The following FSTL5 variants were observed in gnomAD, a reference collection of about 807,000 sequenced individuals.
The protein encoded by FSTL5 is follistatin like 5, also known as follistatin-related protein 5.
FSTL5 carries 62 observed loss-of-function variants against 89.1 expected under a neutral mutation model. The observed-to-expected ratio is 0.70, with a 90% CI of 0.57 to 0.86. The LOEUF (loss-of-function observed/expected upper bound fraction) is 0.86, where lower values mean the gene tolerates loss of function less well. FSTL5 is among the 40% of genes least tolerant of loss of function. The pLI is 0.00. For missense variants in FSTL5, 1,057 were observed against 1,001.6 expected (o/e 1.06, Z -0.75); for synonymous variants, 383 against 346.2 (o/e 1.11, Z -1.18).
intron 3 of FSTL5, among the ~76,000 whole-genome samples, chr4:161,958,432 C>T (rs1190428036): frequency 6.6e-6 from 1 of 151,896 alleles, no homozygotes; most frequent in Non-Finnish European, 1.5e-5. Context: ...TTAGGTATTC[C>T]ATATTTGTGT....
At chr4:161,581,810 G>A (rs1041235342) in intron 8 of FSTL5, among the ~76,000 whole-genome samples, 7 of 152,304 alleles carry the variant, frequency 4.6e-5, no homozygotes, top group African/African-American at 1.7e-4. Flanking sequence ...AATTTGAATG[G>A]GAGAGAAGTA....
intron 6 of FSTL5, among the ~76,000 whole-genome samples, chr4:161,714,492 A>T (rs1337224112): frequency 1.3e-5 from 2 of 152,168 alleles, no homozygotes; most frequent in African/African-American, 4.8e-5. Context: ...ATGGGTTTCA[A>T]ATCTCCTAAT....
intron 15 of FSTL5, among the ~76,000 whole-genome samples, chr4:161,428,510 C>CT (rs1245708572): frequency 2.6e-5 from 4 of 152,328 alleles, no homozygotes; most frequent in African/African-American, 9.6e-5. Flanking sequence ...AGGACTTCGT[C>CT]TTGTAACTTG....
At chr4:161,826,103 A>G (rs562979991) in intron 4 of FSTL5, among the ~76,000 whole-genome samples, 1 of 152,238 alleles carries the variant, frequency 6.6e-6, no homozygotes, top group Non-Finnish European at 1.5e-5. Context: ...AATTCAAAGA[A>G]GTTTTTAATT....
At chr4:161,671,891 T>C (rs2126698912) in intron 6 of FSTL5, among the ~76,000 whole-genome samples, 1 of 152,272 alleles carries the variant, frequency 6.6e-6, no homozygotes, top group South Asian at 2.1e-4. Flanking sequence ...ATTCCTTCTC[T>C]CTTCTTAACA....
At chr4:161,430,163 C>A (rs1378194198) in intron 15 of FSTL5, among the ~76,000 whole-genome samples, 1 of 151,344 alleles carries the variant, frequency 6.6e-6, no homozygotes, top group Non-Finnish European at 1.5e-5. Context: ...AATTAGTGAG[C>A]TTGAAGACAG....
chr4:162,011,168 G>A (rs557958809), intron 3 of FSTL5, among the ~76,000 whole-genome samples: 1 of 152,082 alleles, frequency 6.6e-6, no homozygotes, highest in Non-Finnish European at 1.5e-5. Context: ...CTGGAAGGTT[G>A]GGGGTTTGGA....
chr4:161,780,616 A>C (rs1166371134), intron 4 of FSTL5, among the ~76,000 whole-genome samples: 1 of 152,162 alleles, frequency 6.6e-6, no homozygotes, highest in African/African-American at 2.4e-5. Context: ...AGTCATTCTA[A>C]GGGCAGGGAA....
At chr4:161,566,574 C>T (rs910233660) in intron 8 of FSTL5, among the ~76,000 whole-genome samples, 2 of 152,042 alleles carry the variant, frequency 1.3e-5, no homozygotes, top group African/African-American at 2.4e-5. Context: ...TTCCCACCAG[C>T]AGTTCGTAAG....
chr4:161,811,028 C>A (rs1369124), intron 4 of FSTL5, among the ~76,000 whole-genome samples: 23 of 152,088 alleles, frequency 1.5e-4, no homozygotes, highest in African/African-American at 4.8e-4. Context: ...CTGAGAGATC[C>A]CTCTGCTCCC....
chr4:161,448,078 C>T (rs1379224765), intron 15 of FSTL5, among the ~76,000 whole-genome samples: 2 of 151,920 alleles, frequency 1.3e-5, no homozygotes, highest in African/African-American at 4.8e-5. Flanking sequence ...ATGCGTATTT[C>T]AATATTCACT....
At chr4:161,663,391 A>T (rs944447938) in intron 6 of FSTL5, among the ~76,000 whole-genome samples, 6 of 152,262 alleles carry the variant, frequency 3.9e-5, no homozygotes, top group African/African-American at 1.4e-4. Context: ...GGGTAAATGG[A>T]GCCATTCCAA....
At chr4:161,473,875 A>G (rs1007458963) in intron 13 of FSTL5, among the ~76,000 whole-genome samples, 4 of 152,204 alleles carry the variant, frequency 2.6e-5, no homozygotes, top group Non-Finnish European at 5.9e-5. Flanking sequence ...TCTTGTAGAT[A>G]GCATATAGTT....
rs187234029 is a variant in FSTL5 at position 162,124,239 on chromosome 4, A to G, written c.-16-12827T>C. ...CTATTACATTGAATTTAAGAAACAC[A>G]GAATTAGAATTTATATGCAACTCCA... is the stretch of plus-strand genomic sequence containing the variant. On this transcript the variant is annotated intron_variant, in intron 1 of 15. Coordinates refer to ENST00000306100, the MANE Select transcript of FSTL5 (RefSeq NM_020116.5). Among the ~76,000 whole-genome samples the G allele has an allele frequency of 1.4e-4, 21 of 152,334 alleles. 1 individual carries two copies. In the East Asian group the frequency reaches 2.9e-3, roughly 21 times the overall value.
chr4:161,872,750 T>C (rs17597093), intron 4 of FSTL5, among the ~76,000 whole-genome samples: 14,128 of 152,206 alleles, frequency 0.093, 726 homozygotes, highest in East Asian at 0.16. Context: ...AGATGTCTGC[T>C]ACTGTTTGCA....
chr4:161,656,293 T>G (rs1202867576), intron 7 of FSTL5, 35 bp downstream of exon 7: 1 of 1,179,528 alleles, frequency 8.5e-7, no homozygotes, highest in Admixed American at 2.3e-5. Flanking sequence ...ACATGAAATA[T>G]ATATATTATA....
chr4:161,985,621 A>T lies in FSTL5; in HGVS notation c.160+48004T>A, dbSNP rs180743164. 2.0e-4 allele frequency among the ~76,000 whole-genome samples: 31 copies of T among 151,928 alleles called. 1 individual carries two copies. Among genetic ancestry groups the T allele is most frequent in the Non-Finnish European group, 8.8e-5 (6 of 67,928 alleles). ...TGCCTATTTAAATATCCATGCACTT[A>T]TATGAATACTTATACTTTAATATAC... On this transcript the variant is annotated intron_variant, in intron 3 of 15. Coordinates refer to ENST00000306100, the MANE Select transcript of FSTL5 (RefSeq NM_020116.5).
At chr4:161,661,334 C>T (rs575994451) in intron 6 of FSTL5, among the ~76,000 whole-genome samples, 2 of 152,120 alleles carry the variant, frequency 1.3e-5, no homozygotes, top group African/African-American at 4.8e-5. Flanking sequence ...TTATCCTCAT[C>T]ATGCCTATCA....
At chr4:162,063,210 T>A (rs905962953) in intron 2 of FSTL5, among the ~76,000 whole-genome samples, 5 of 151,848 alleles carry the variant, frequency 3.3e-5, no homozygotes, top group African/African-American at 1.2e-4. Context: ...CCTCTTCCCC[T>A]TTTTTCTCAT....
Sources: allele counts gnomAD v4.1 joint callset (sites outside exome capture counted in the v4.1 genomes callset), GRCh38; gene constraint gnomAD v4.1.1; transcripts MANE v1.5; gene names NCBI Gene and HGNC (gene_info 2026-07-23, HGNC 2026-07-21).